The following ATPAF2 variants were observed in gnomAD, a reference collection of about 807,000 sequenced individuals.
The protein encoded by ATPAF2 is ATP synthase mitochondrial F1 complex assembly factor 2, also known as ATP12 homolog.
In ATPAF2, 30 loss-of-function variants were observed where a neutral mutation model predicts 36.6. The observed-to-expected ratio is 0.82, with a 90% CI of 0.61 to 1.11. The LOEUF (loss-of-function observed/expected upper bound fraction) is 1.11, where lower values mean the gene tolerates loss of function less well. Ranked by LOEUF, ATPAF2 falls within the 50% of genes most tolerant of loss-of-function variation. The probability of loss-of-function intolerance (pLI) is 0.00; values close to 1 mark genes in which losing one functional copy is unlikely to be tolerated. For missense variants in ATPAF2, 321 were observed against 372.3 expected (o/e 0.86, Z 1.13); for synonymous variants, 140 against 152.6 (o/e 0.92, Z 0.61).
At chr17:18,028,174 T>C (rs778412983) in intron 3 of ATPAF2, 58 bp downstream of exon 3, 1 of 1,610,268 alleles carries the variant, frequency 6.2e-7, no homozygotes, top group Admixed American at 1.7e-5. Context: ...GTAAAGGGTC[T>C]ACCCTACGAA....
intron 5 of ATPAF2, among the ~76,000 whole-genome samples, chr17:18,023,467 T>C (rs149171643): frequency 2.0e-5 from 3 of 152,326 alleles, no homozygotes; most frequent in Non-Finnish European, 2.9e-5. Context: ...AAATTCCTAA[T>C]AGTACAAATG....
chr17:18,023,229 G>C (rs1273362329), intron 5 of ATPAF2, among the ~76,000 whole-genome samples: 1 of 151,226 alleles, frequency 6.6e-6, no homozygotes, highest in Non-Finnish European at 1.5e-5. Context: ...TCAGGAGTTC[G>C]AGACCAGCCT....
intron 7 of ATPAF2, 101 bp from the exon 8 acceptor site, chr17:18,018,787 G>T (rs1323680048): frequency 5.1e-6 from 8 of 1,564,500 alleles, no homozygotes; most frequent in Non-Finnish European, 6.1e-6. Context: ...GAGGGCAACA[G>T]GTTTGTATCT....
intron 6 of ATPAF2, 85 bp downstream of exon 6, chr17:18,021,660 G>A: frequency 2.5e-6 from 3 of 1,197,226 alleles, no homozygotes; most frequent in Non-Finnish European, 3.7e-6. Flanking sequence ...TCCACTCACA[G>A]GACCTGGGGA....
At chr17:18,016,832 G>T, downstream of ATPAF2, 5 of 455,894 alleles carry the variant, frequency 1.1e-5, no homozygotes, top group South Asian at 3.2e-5. Context: ...ACTTCCAAAA[G>T]TAGAGAAAAT....
intron 1 of ATPAF2, among the ~76,000 whole-genome samples, chr17:18,031,608 A>G (rs886568735): frequency 9.3e-4 from 142 of 151,876 alleles, no homozygotes; most frequent in Non-Finnish European, 2.0e-3. Flanking sequence ...GTGAAACCCC[A>G]TCTCTACTAA....
chr17:18,026,289 A>C, intron 4 of ATPAF2, 30 bp downstream of exon 4: 1 of 1,583,650 alleles, frequency 6.3e-7, no homozygotes, highest in Non-Finnish European at 8.7e-7. Flanking sequence ...GCCTCAATCC[A>C]AGGGGAATGC....
intron 4 of ATPAF2, chr17:18,025,401 A>C (rs1597669828): frequency 6.3e-6 from 1 of 158,778 alleles, no homozygotes; most frequent in South Asian, 1.8e-4. Flanking sequence ...TGGGAATCCA[A>C]GTGGGCACTA....
At chr17:18,021,966 C>G (rs528918065) in intron 5 of ATPAF2, 109 bp from the exon 6 acceptor site, 15 of 952,136 alleles carry the variant, frequency 1.6e-5, no homozygotes, top group African/African-American at 3.2e-5. Context: ...TGTGCATTGG[C>G]CAAGGAGCTA....
intron 3 of ATPAF2, among the ~76,000 whole-genome samples, chr17:18,026,939 G>T (rs2955378): frequency 6.6e-6 from 1 of 151,824 alleles, no homozygotes; most frequent in Non-Finnish European, 1.5e-5. Flanking sequence ...TATTTTTTTC[G>T]GCCAAGTGTG....
chr17:18,025,454 T>C (rs2145496284), intron 4 of ATPAF2: 1 of 155,120 alleles, frequency 6.4e-6, no homozygotes, highest in African/African-American at 2.4e-5. Flanking sequence ...GGAAGAGAGG[T>C]CATGAGTTAT....
At chr17:18,036,663 A>G (rs928689996) in intron 1 of ATPAF2, among the ~76,000 whole-genome samples, 2 of 152,056 alleles carry the variant, frequency 1.3e-5, no homozygotes, top group African/African-American at 4.8e-5. Context: ...TTGACTACCT[A>G]CCATGTGCCA....
chr17:18,016,523 GATGTAA>G, downstream of ATPAF2: 1 of 1,415,120 alleles, frequency 7.1e-7, no homozygotes, highest in South Asian at 1.2e-5. Context: ...CCAATGATCT[GATGTAA>G]GGAATCGGGC....
At chr17:18,029,694 G>A (rs960235215) in intron 1 of ATPAF2, among the ~76,000 whole-genome samples, 2 of 151,430 alleles carry the variant, frequency 1.3e-5, no homozygotes, top group African/African-American at 2.4e-5. Context: ...GGGTTCAAGC[G>A]ACTCTCCTGC....
At chr17:18,025,505 C>T (rs778237792) in intron 4 of ATPAF2, 1 of 154,170 alleles carries the variant, frequency 6.5e-6, no homozygotes, top group Non-Finnish European at 1.4e-5. Flanking sequence ...GATGGACAAC[C>T]AGCCTTTCCT....
intron 1 of ATPAF2, among the ~76,000 whole-genome samples, chr17:18,033,907 T>G (rs1050764146): frequency 5.3e-5 from 8 of 151,174 alleles, no homozygotes; most frequent in African/African-American, 1.9e-4. Context: ...ATCACTTGAG[T>G]CCAAGAGTTC....
chr17:18,016,429 G>T, downstream of ATPAF2: 1 of 793,342 alleles, frequency 1.3e-6, no homozygotes. Flanking sequence ...CAGAACCTGG[G>T]GAGGCGCTGA....
intron 4 of ATPAF2, 150 bp from the exon 5 acceptor site, chr17:18,024,854 A>G (rs2044522052): frequency 2.8e-6 from 2 of 707,796 alleles, no homozygotes; most frequent in Non-Finnish European, 5.0e-6. Context: ...AGTGGTTCTC[A>G]AAGTGTGGCC....
intron 7 of ATPAF2, 28 bp from the exon 8 acceptor site, chr17:18,018,714 G>A (rs766306442): frequency 1.2e-6 from 2 of 1,613,726 alleles, no homozygotes; most frequent in South Asian, 1.1e-5. Flanking sequence ...CAAGTTGCTG[G>A]GTGAGTGGCC....
Sources: gnomAD v4.1 joint callset for allele counts (sites outside exome capture counted in the v4.1 genomes callset) on GRCh38, gnomAD v4.1.1 for gene constraint, MANE v1.5 for transcripts, NCBI Gene and HGNC (gene_info 2026-07-23, HGNC 2026-07-21) for gene names.